Variants in EFCAB8 observed in about 807,000 individuals in gnomAD.
EFCAB8 encodes EF-hand calcium binding domain 8, also known as EF-hand calcium-binding domain-containing protein 8.
EFCAB8 carries 100 observed loss-of-function variants against 116.3 expected under a neutral mutation model. The ratio of observed to expected loss-of-function variants is 0.86; its 90% CI spans 0.73 to 1.02. The LOEUF is 1.02. EFCAB8 is among the 50% of genes least tolerant of loss of function. EFCAB8 has a pLI of 0.00. For synonymous variants in EFCAB8, 558 were observed against 567.9 expected (o/e 0.98, Z 0.25); for missense variants, 1,320 against 1,416.9 (o/e 0.93, Z 1.10).
intron 9 of EFCAB8, among the ~76,000 whole-genome samples, chr20:32,893,817 G>A (rs956826331): frequency 2.0e-5 from 3 of 152,066 alleles, no homozygotes; most frequent in East Asian, 1.9e-4. Context: ...CTTGCTGAGC[G>A]CTTTGCATGC....
chr20:32,939,160 T>TTTCTTTCC (rs1988274472), intron 22 of EFCAB8, among the ~76,000 whole-genome samples: 1 of 95,676 alleles, frequency 1.0e-5, no homozygotes, highest in Non-Finnish European at 2.3e-5. Flanking sequence ...TCTTTCTTTC[T>TTTCTTTCC]TTCTTTCTTT....
Position 32,918,509 on chromosome 20 carries a change from G to A in EFCAB8, c.2209G>A (p.Val737Met), listed in dbSNP as rs779899075. The A allele has an allele frequency of 1.3e-4, 197 of 1,551,728 alleles. No homozygotes were observed. The African/African-American group carries it at 2.2e-3, about 17-fold the overall frequency. The change falls in exon 19 of 27, where the codon GTG becomes ATG. Residue 737 changes from valine to methionine, a missense_variant. Val to Met is a conservative substitution (Grantham distance 21). Coordinates refer to ENST00000400522, the MANE Select transcript of EFCAB8 (RefSeq NM_001143967.2). ...CAATACCAACCTGAGGCGGAGCCTG[G>A]TGTCGGCTCCCCCAGTGATGCGGTG... ...VANTNLRRSL[V>M]SAPPVMRCPR...
In EFCAB8 at chr20:32,918,724, T is replaced by G. The variant is rs906264887; in HGVS notation, c.2274+150T>G. 6 of 769,896 alleles carry G rather than the reference T, an allele frequency of 7.8e-6. No individual in the cohort carries two copies. In the African/African-American group the frequency reaches 1.0e-4, roughly 13 times the overall value. The allele number at this position is 769,896 out of a possible 1,614,324, so 47.7% of individuals were successfully genotyped here. Reference sequence around the variant, plus strand: ...TCACTTGTTTTGAGCATTGTGGGCCTGGGCAGGGCACCCTCTGGTTTTAGT... The same window carrying G: ...TCACTTGTTTTGAGCATTGTGGGCCGGGGCAGGGCACCCTCTGGTTTTAGT... On this transcript the variant is annotated intron_variant, in intron 19 of 26. Coordinates refer to ENST00000400522, the MANE Select transcript of EFCAB8 (RefSeq NM_001143967.2).
intron 23 of EFCAB8, among the ~76,000 whole-genome samples, chr20:32,948,210 T>C (rs1344965223): frequency 6.6e-6 from 1 of 152,128 alleles, no homozygotes; most frequent in Admixed American, 6.6e-5. Flanking sequence ...TAAACAACTT[T>C]ATACAATAAA....
intron 21 of EFCAB8, 63 bp downstream of exon 21, chr20:32,930,679 T>C: frequency 6.9e-7 from 1 of 1,457,786 alleles, no homozygotes; most frequent in Non-Finnish European, 9.4e-7. Context: ...GCCATCTCTT[T>C]GCTCACATGG....
intron 5 of EFCAB8, 105 bp downstream of exon 5, chr20:32,878,912 C>T (rs932123552): frequency 1.0e-6 from 1 of 974,494 alleles, no homozygotes; most frequent in Non-Finnish European, 1.6e-6. Context: ...CTGGTGCTGA[C>T]CAGGGGCTGG....
chr20:32,961,208 A>G lies in EFCAB8; in HGVS notation c.3466A>G (p.Ser1156Gly). ...MPTQQPDFLT[S>G]RGPDQQDQHI... is the part of the protein sequence containing the mutation. The stretch of plus-strand genomic sequence containing the variant: ...GACTCAGCAGCCTGACTTCCTGACC[A>G]GCAGGGGCCCAGACCAGCAAGACCA... The change falls in exon 27 of 27, where the codon AGC becomes GGC. Residue 1156 changes from serine (S) to glycine (G), a missense_variant. Transcript: ENST00000400522. 1 of 1,552,066 alleles carries G rather than the reference A, an allele frequency of 6.4e-7. No homozygotes were observed. The highest frequency in any genetic ancestry group is 1.2e-5 in the South Asian group (1 of 84,056).
rs187188040 is a variant in EFCAB8, at chr20:32,931,888, C to T, written c.2790+552C>T. ...ATCTGGCACCAGAAGTGAATTTACT[C>T]ACTACAAAATGGAGAACTCTTCAAA... On this transcript the variant is annotated intron_variant, in intron 22 of 26. Transcript: ENST00000400522. 4.5e-4 allele frequency among the ~76,000 whole-genome samples: 69 copies of T among 152,286 alleles called. 1 individual carries two copies. The highest frequency in any genetic ancestry group is 1.6e-3 in the African/African-American group (67 of 41,554).
rs1987598250 is a variant in EFCAB8, at chr20:32,924,558, G to A, written c.2412+4343G>A. On this transcript the variant is annotated intron_variant, in intron 20 of 26. Transcript: ENST00000400522. The stretch of plus-strand genomic sequence containing the variant: ...GCTGAAGAAACAGGCCCAATGAGGT[G>A]AAGTGACTTGCCCAAGATTCTTATG... Among the ~76,000 whole-genome samples, 4 of 152,222 alleles carry A rather than the reference G, an allele frequency of 2.6e-5. No individual in the cohort carries two copies. In the South Asian group the frequency reaches 6.2e-4, roughly 24 times the overall value.
intron 19 of EFCAB8, among the ~76,000 whole-genome samples, chr20:32,919,411 CATCT>C (rs1302445751): frequency 6.6e-6 from 1 of 152,096 alleles, no homozygotes; most frequent in African/African-American, 2.4e-5. Context: ...ACATTCATAC[CATCT>C]TTGAGTTATC....
At chr20:32,933,335 T>C (rs1035158174) in intron 22 of EFCAB8, among the ~76,000 whole-genome samples, 9 of 152,250 alleles carry the variant, frequency 5.9e-5, no homozygotes, top group African/African-American at 2.2e-4. Flanking sequence ...TTAAAAATTT[T>C]ATTGTTTCAA....
rs149824735 is a variant in EFCAB8 at position 32,882,669 on chromosome 20, C to T, written c.432-2836C>T. ...CCGAGTAACTGGGATTACAGGTGGC[C>T]GCCACCACGCCTGGCCGATTTTTTG... On this transcript the variant is annotated intron_variant, in intron 5 of 26. Transcript: ENST00000400522. Among the ~76,000 whole-genome samples, 137 of 151,974 alleles carry T rather than the reference C, an allele frequency of 9.0e-4. 1 individual carries two copies. The highest frequency in any genetic ancestry group is 3.4e-3 in the Middle Eastern group (1 of 294).
intron 22 of EFCAB8, among the ~76,000 whole-genome samples, chr20:32,939,063 T>TTCTC (rs1195292489): frequency 7.5e-6 from 1 of 132,644 alleles, no homozygotes; most frequent in East Asian, 2.2e-4. Context: ...CTTTCTTTCT[T>TTCTC]TCTCTCTCCC....
intron 6 of EFCAB8, among the ~76,000 whole-genome samples, chr20:32,888,504 G>T (rs1985747853): frequency 6.6e-6 from 1 of 152,150 alleles, no homozygotes; most frequent in Non-Finnish European, 1.5e-5. Context: ...TTACAGGTGT[G>T]AGCCACTGCG....
intron 22 of EFCAB8, among the ~76,000 whole-genome samples, chr20:32,939,183 CTT>C (rs1568941711): frequency 5.2e-5 from 4 of 76,496 alleles, no homozygotes; most frequent in African/African-American, 5.7e-5. Context: ...TTCTTTCTTT[CTT>C]TCTTTCTTTC....
At chr20:32,956,679 G>A (rs1988973103) in intron 23 of EFCAB8, among the ~76,000 whole-genome samples, 1 of 152,052 alleles carries the variant, frequency 6.6e-6, no homozygotes, top group African/African-American at 2.4e-5. Context: ...AAGGTAATTT[G>A]TCTTTTTTTC....
intron 3 of EFCAB8, among the ~76,000 whole-genome samples, chr20:32,869,572 T>C (rs935212619): frequency 3.3e-5 from 5 of 152,130 alleles, no homozygotes; most frequent in Non-Finnish European, 7.3e-5. Flanking sequence ...CATGTAATCA[T>C]GTGCACATAG....
intron 20 of EFCAB8, among the ~76,000 whole-genome samples, chr20:32,924,301 C>T (rs947928379): frequency 7.2e-5 from 11 of 152,104 alleles, no homozygotes; most frequent in African/African-American, 2.7e-4. Context: ...TGGGCTCAAG[C>T]GATCCTCCTG....
At chr20:32,908,456 G>C in intron 14 of EFCAB8, 44 bp downstream of exon 14, 1 of 1,249,516 alleles carries the variant, frequency 8.0e-7, no homozygotes, top group Non-Finnish European at 1.0e-6. Flanking sequence ...GCCGCAGGTG[G>C]AGGGCCAGGG....
Sources: allele counts gnomAD v4.1 joint callset (sites outside exome capture counted in the v4.1 genomes callset), GRCh38; gene constraint gnomAD v4.1.1; transcripts MANE v1.5; gene names NCBI Gene and HGNC (gene_info 2026-07-23, HGNC 2026-07-21).